The following STK3 variants were observed in gnomAD, a reference collection of about 807,000 sequenced individuals.
STK3 encodes serine/threonine-protein kinase 3.
In STK3, 41 loss-of-function variants were observed where a neutral mutation model predicts 58.0. The observed-to-expected ratio is 0.71, with a 90% confidence interval of 0.55 to 0.92. The LOEUF is 0.92. STK3 is among the 40% of genes least tolerant of loss of function. The probability of loss-of-function intolerance (pLI) is 0.00; values close to 1 mark genes in which losing one functional copy is unlikely to be tolerated. For missense variants in STK3, 479 were observed against 602.7 expected (o/e 0.79, Z 2.15); for synonymous variants, 170 against 191.0 (o/e 0.89, Z 0.91).
intron 3 of STK3, among the ~76,000 whole-genome samples, chr8:98,861,973 T>C (rs918296129): frequency 6.6e-6 from 1 of 152,184 alleles, no homozygotes; most frequent in Non-Finnish European, 1.5e-5. Context: ...ATTGGATAAT[T>C]TAAATGAAAG....
chr8:98,800,782 C>T lies in STK3; in HGVS notation c.26+24733G>A, dbSNP rs573781799. On this transcript the variant is annotated intron_variant, in intron 1 of 10. Coordinates refer to ENST00000419617, the MANE Select transcript of STK3 (RefSeq NM_006281.4). This position sits in a 1 kb window ranked among gnomAD's most constrained non-coding sequence, Gnocchi z 4.8. ...GGTACCCCAGCACTGCCGGCCCTCC[C>T]GCGCTGAGCTCGAATTCTTGCCAGG... Among the ~76,000 whole-genome samples the T allele has an allele frequency of 3.9e-5, 6 of 152,334 alleles. No homozygotes were observed. Among genetic ancestry groups the T allele is most frequent in the South Asian group, 2.1e-4 (1 of 4,832 alleles).
intron 4 of STK3, among the ~76,000 whole-genome samples, chr8:98,739,427 C>T (rs1327422851): frequency 6.6e-6 from 1 of 151,354 alleles, no homozygotes; most frequent in Non-Finnish European, 1.5e-5. Flanking sequence ...CAGCAGCATT[C>T]GCGGTTCATG....
At chr8:98,411,433 T>A (rs1324425154) in intron 3 of STK3, among the ~76,000 whole-genome samples, 1 of 152,184 alleles carries the variant, frequency 6.6e-6, no homozygotes, top group Non-Finnish European at 1.5e-5. Context: ...ACTCAATACG[T>A]CTCCTCATTC....
At chr8:98,354,359 A>G in the STK3 span, among the ~76,000 whole-genome samples, 14 of 152,298 alleles carry the variant, frequency 9.2e-5, no homozygotes, top group African/African-American at 2.9e-4. Flanking sequence ...GAAGTCTTAA[A>G]AGAAGAGGAC....
intron 9 of STK3, among the ~76,000 whole-genome samples, chr8:98,547,728 T>C (rs1810821020): frequency 6.6e-6 from 1 of 152,156 alleles, no homozygotes; most frequent in African/African-American, 2.4e-5. Flanking sequence ...AAGCCGTGGG[T>C]TAGCAACCTT....
intron 6 of STK3, among the ~76,000 whole-genome samples, chr8:98,705,242 G>C (rs563148261): frequency 6.6e-6 from 1 of 151,874 alleles, no homozygotes; most frequent in Non-Finnish European, 1.5e-5. Flanking sequence ...GCAACATGGC[G>C]ACACCTTGTC....
intron 1 of STK3, among the ~76,000 whole-genome samples, chr8:98,794,019 C>A (rs1832970335): frequency 1.3e-5 from 2 of 152,094 alleles, no homozygotes; most frequent in South Asian, 2.1e-4. Flanking sequence ...GTATCAAAAT[C>A]TCTGGGAAGC....
Position 98,430,728 on chromosome 8 carries a change from T to TG in STK3, n.483+3398dup, listed in dbSNP as rs1256222063. 4.2e-5 allele frequency: 7 copies of TG among 167,186 alleles called. No individual in the cohort carries two copies. In the South Asian group the frequency reaches 1.2e-3, roughly 30 times the overall value. 10.4% of individuals were successfully genotyped at this position (167,186 alleles called of 1,614,324 possible). On this transcript the variant is annotated intron_variant and non_coding_transcript_variant, in intron 3 of 3. Coordinates refer to the STK3 transcript ENST00000517832. ...TTACTTGCATTCCCACTGCCTTTCA[T>TG]GGGGGGTGACTGGGTAGAGGCCAGG... is the stretch of plus-strand genomic sequence containing the variant.
At chr8:98,593,826 G>A (rs1327835394) in intron 7 of STK3, among the ~76,000 whole-genome samples, 1 of 152,060 alleles carries the variant, frequency 6.6e-6, no homozygotes, top group Non-Finnish European at 1.5e-5. Context: ...TCCTTGAAGA[G>A]ACAGAATGGT....
intron 6 of STK3, among the ~76,000 whole-genome samples, chr8:98,645,958 A>G (rs1186641219): frequency 3.9e-5 from 6 of 152,184 alleles, no homozygotes; most frequent in Non-Finnish European, 8.8e-5. Context: ...GTGAGCTATC[A>G]TGCCCAGTCG....
rs980057121 is a variant in STK3 at position 98,768,121 on chromosome 8, A to G, written c.108-750T>C. Among the ~76,000 whole-genome samples the G allele has an allele frequency of 1.1e-4, 16 of 152,358 alleles. No individual in the cohort carries two copies. The South Asian group carries it at 2.7e-3, about 26-fold the overall frequency. ...TATGAACTTAAAAACGAGGTTAAAC[A>G]CTACTATGTACTGAGTTCTTACTAT... is the stretch of plus-strand genomic sequence containing the variant. On this transcript the variant is annotated intron_variant, in intron 2 of 10. Coordinates refer to ENST00000419617, the MANE Select transcript of STK3 (RefSeq NM_006281.4).
At chr8:98,709,032 G>A (rs1488836156) in intron 4 of STK3, among the ~76,000 whole-genome samples, 3 of 150,990 alleles carry the variant, frequency 2.0e-5, no homozygotes, top group African/African-American at 7.3e-5. Context: ...GGAGAGAGGG[G>A]GTAGAGATTT....
At chr8:98,552,981 A>C (rs1452336279) in intron 8 of STK3, among the ~76,000 whole-genome samples, 1 of 152,174 alleles carries the variant, frequency 6.6e-6, no homozygotes, top group East Asian at 1.9e-4. Flanking sequence ...TACCATGTGA[A>C]CAATAAGTTA....
the STK3 span, among the ~76,000 whole-genome samples, chr8:98,359,447 G>C: frequency 1.3e-5 from 2 of 150,486 alleles, no homozygotes; most frequent in African/African-American, 4.9e-5. Flanking sequence ...CACTTGAACC[G>C]GGGAGGCGGA....
intron 4 of STK3, among the ~76,000 whole-genome samples, chr8:98,739,491 T>C (rs9773475): frequency 6.9e-6 from 1 of 145,646 alleles, no homozygotes; most frequent in Non-Finnish European, 1.5e-5. Context: ...ACAGAGTCTG[T>C]AGTGGACCTC....
intron 6 of STK3, among the ~76,000 whole-genome samples, chr8:98,692,536 G>A (rs1824487504): frequency 6.6e-6 from 1 of 152,148 alleles, no homozygotes; most frequent in South Asian, 2.1e-4. Context: ...GAGACAGGAA[G>A]TAGAATACTG....
At chr8:98,654,925 A>G (rs1177690101) in intron 6 of STK3, among the ~76,000 whole-genome samples, 1 of 152,162 alleles carries the variant, frequency 6.6e-6, no homozygotes, top group Non-Finnish European at 1.5e-5. Context: ...TAGTTTATAG[A>G]TTCAATGCCA....
At chr8:98,389,271 C>G (rs1440516690), upstream of STK3, among the ~76,000 whole-genome samples, 1 of 152,086 alleles carries the variant, frequency 6.6e-6, no homozygotes, top group Non-Finnish European at 1.5e-5. Flanking sequence ...TTTTCATAGC[C>G]CATATTGTCT....
At chr8:98,654,823 T>G (rs930357024) in intron 6 of STK3, among the ~76,000 whole-genome samples, 30 of 151,930 alleles carry the variant, frequency 2.0e-4, no homozygotes, top group East Asian at 1.2e-3. Flanking sequence ...CACTGCTCAA[T>G]GAAATAAAAG....
Sources: gnomAD v4.1 joint callset for allele counts (sites outside exome capture counted in the v4.1 genomes callset) on GRCh38, gnomAD v4.1.1 for gene constraint, Gnocchi (gnomAD v3.1) non-coding constraint, MANE v1.5 for transcripts, NCBI Gene and HGNC (gene_info 2026-07-23, HGNC 2026-07-21) for gene names.